Variants in SCD5 observed in about 807,000 individuals in gnomAD.
The protein encoded by SCD5 is acyl-CoA-desaturase 4.
Under a neutral mutation model 30.4 loss-of-function variants are expected in SCD5, and 20 were observed. That is an observed-to-expected ratio of 0.66 (90% CI 0.46 to 0.96). SCD5 has a LOEUF of 0.96. Ranked by LOEUF, SCD5 falls within the 40% of genes least tolerant of loss-of-function variation. The pLI is 0.00. For synonymous variants in SCD5, 173 were observed against 176.4 expected, an observed-to-expected ratio of 0.98 and a Z score of 0.16; for missense variants, 381 against 443.3, an observed-to-expected ratio of 0.86 and a Z score of 1.26.
At chr4:82,718,625 GA>G (rs1292960561) in intron 1 of SCD5, among the ~76,000 whole-genome samples, 1 of 151,192 alleles carries the variant, frequency 6.6e-6, no homozygotes, top group African/African-American at 2.4e-5. Flanking sequence ...GGCTTAAATA[GA>G]AAAAAAAGAT....
Position 82,798,472 on chromosome 4 carries a change from G to C in SCD5, c.66C>G (p.Ala22=), listed in dbSNP as rs769745944. The C allele has an allele frequency of 8.7e-6, 14 of 1,612,624 alleles. No homozygotes were observed. The highest frequency in any genetic ancestry group is 4.0e-5 in the African/African-American group (3 of 74,854). The change falls in exon 1 of 5, where the codon GCC becomes GCG. Residue 22 remains alanine, a synonymous_variant. Coordinates refer to ENST00000319540, the MANE Select transcript of SCD5 (RefSeq NM_001037582.3). ...PFCDAKEEIR[A]GLESSEGGGG... ...CGCCGCCCTCAGAGCTTTCGAGCCCGGCACGGATTTCTTCCTTGGCGTCGC... is the reference window on the plus strand; with the variant it reads ...CGCCGCCCTCAGAGCTTTCGAGCCCCGCACGGATTTCTTCCTTGGCGTCGC...
At chr4:82,719,921 C>A (rs1347382032) in intron 1 of SCD5, among the ~76,000 whole-genome samples, 1 of 151,660 alleles carries the variant, frequency 6.6e-6, no homozygotes, top group Admixed American at 6.6e-5. Flanking sequence ...CATGCCTCAG[C>A]CTCCTGAGTA....
chr4:82,687,332 T>C (rs970826395), intron 2 of SCD5, among the ~76,000 whole-genome samples: 7 of 152,194 alleles, frequency 4.6e-5, no homozygotes, highest in African/African-American at 1.7e-4. Context: ...TGGTTCTCTC[T>C]AGGAATTGGG....
intron 1 of SCD5, among the ~76,000 whole-genome samples, chr4:82,789,349 T>G (rs1722052687): frequency 6.6e-6 from 1 of 152,098 alleles, no homozygotes; most frequent in Non-Finnish European, 1.5e-5. Flanking sequence ...GAGGAGGCCA[T>G]CAAAAGGAAA....
chr4:82,734,022 C>A lies in SCD5; in HGVS notation c.233-28609G>T, dbSNP rs181057681. Among the ~76,000 whole-genome samples the A allele has an allele frequency of 1.7e-3, 261 of 152,232 alleles. 1 individual carries two copies. Among genetic ancestry groups the A allele is most frequent in the African/African-American group, 6.1e-3 (253 of 41,526 alleles). On this transcript the variant is annotated intron_variant, in intron 1 of 4. Coordinates refer to ENST00000319540, the MANE Select transcript of SCD5 (RefSeq NM_001037582.3). ...CATACAATGAAGGCTGTGTCTAAAG[C>A]CTTAAGAACGTCTAGCTACTTGGAG... is the stretch of plus-strand genomic sequence containing the variant.
intron 1 of SCD5, among the ~76,000 whole-genome samples, chr4:82,745,562 C>T (rs1472483210): frequency 3.3e-5 from 5 of 152,176 alleles, no homozygotes; most frequent in Admixed American, 6.5e-5. Flanking sequence ...AGGTTTGTTA[C>T]ATAGTTAAAA....
chr4:82,757,232 T>C (rs964462352), intron 1 of SCD5, among the ~76,000 whole-genome samples: 6 of 152,206 alleles, frequency 3.9e-5, no homozygotes, highest in African/African-American at 1.4e-4. Flanking sequence ...CAAAGTTCTA[T>C]GCCTTTGTCT....
intron 2 of SCD5, chr4:82,698,207 G>A (rs1015035856): frequency 4.5e-6 from 2 of 443,400 alleles, no homozygotes; most frequent in Non-Finnish European, 9.1e-6. Context: ...AGGAAAGGTG[G>A]CAACACTGAA....
rs111872471 is a variant in SCD5 at position 82,722,974 on chromosome 4, G to A, written c.233-17561C>T. ...TGCCCGTAATCTCAGCTACTCAGGA[G>A]GCTGAGGCAGGAGAATCGCTTGAAC... On this transcript the variant is annotated intron_variant, in intron 1 of 4. Coordinates refer to ENST00000319540, the MANE Select transcript of SCD5 (RefSeq NM_001037582.3). 5.7e-3 allele frequency among the ~76,000 whole-genome samples: 859 copies of A among 151,284 alleles called. 4 individuals carry two copies. The highest frequency in any genetic ancestry group is 0.02 in the African/African-American group (812 of 41,140).
intron 1 of SCD5, among the ~76,000 whole-genome samples, chr4:82,745,211 C>T (rs542194923): frequency 1.1e-3 from 172 of 152,294 alleles, no homozygotes; most frequent in African/African-American, 3.8e-3. Context: ...ATGTCTGATC[C>T]GGTGACTACA....
chr4:82,792,534 A>AC (rs1486414326), intron 1 of SCD5, among the ~76,000 whole-genome samples: 5 of 152,078 alleles, frequency 3.3e-5, no homozygotes, highest in Admixed American at 2.6e-4. Context: ...ACATAGTGAG[A>AC]CCCCCATCTC....
intron 1 of SCD5, among the ~76,000 whole-genome samples, chr4:82,709,859 G>A (rs1720046228): frequency 6.6e-6 from 1 of 152,218 alleles, no homozygotes; most frequent in Non-Finnish European, 1.5e-5. Context: ...AACAGAAAGC[G>A]AGAAGGGAGT....
intron 1 of SCD5, among the ~76,000 whole-genome samples, chr4:82,748,651 A>G (rs1721042330): frequency 6.6e-6 from 1 of 152,216 alleles, no homozygotes; most frequent in Non-Finnish European, 1.5e-5. Flanking sequence ...GTTACCCACT[A>G]TGGACGGTCC....
chr4:82,791,491 G>T (rs1722097439), intron 1 of SCD5, among the ~76,000 whole-genome samples: 1 of 152,174 alleles, frequency 6.6e-6, no homozygotes, highest in Non-Finnish European at 1.5e-5. Flanking sequence ...CAGCGGGCTG[G>T]CTAGAGTGTC....
chr4:82,651,237 C>T (rs1727745088), intron 3 of SCD5, among the ~76,000 whole-genome samples: 1 of 152,186 alleles, frequency 6.6e-6, no homozygotes, highest in African/African-American at 2.4e-5. Context: ...AACTACTGAC[C>T]TTAGCTTCTT....
chr4:82,778,766 G>A (rs1006324326), intron 1 of SCD5, among the ~76,000 whole-genome samples: 2 of 152,160 alleles, frequency 1.3e-5, no homozygotes, highest in African/African-American at 4.8e-5. Flanking sequence ...CAGAATAACA[G>A]CTCCCAGAGA....
At chr4:82,737,500 A>G (rs1361852590) in intron 1 of SCD5, among the ~76,000 whole-genome samples, 2 of 152,208 alleles carry the variant, frequency 1.3e-5, no homozygotes, top group African/African-American at 4.8e-5. Flanking sequence ...CAGATCATCA[A>G]TTCAGCCAAG....
At chr4:82,783,803 C>CA (rs531792678) in intron 1 of SCD5, among the ~76,000 whole-genome samples, 120 of 88,404 alleles carry the variant, frequency 1.4e-3, no homozygotes, top group Admixed American at 1.9e-3. Context: ...AACTCTGTCT[C>CA]AAAAAAAAAA....
chr4:82,641,489 G>T (rs1000088496), intron 3 of SCD5, among the ~76,000 whole-genome samples: 2 of 152,042 alleles, frequency 1.3e-5, no homozygotes, highest in African/African-American at 2.4e-5. Flanking sequence ...TTTAAATAGG[G>T]TGTCTATGGG....
Sources: allele counts gnomAD v4.1 joint callset (sites outside exome capture counted in the v4.1 genomes callset), GRCh38; gene constraint gnomAD v4.1.1; transcripts MANE v1.5; gene names NCBI Gene and HGNC (gene_info 2026-07-23, HGNC 2026-07-21).